The following CIITA variants were observed in gnomAD, a reference collection of about 807,000 sequenced individuals.
CIITA encodes the protein MHC class II transactivator.
A neutral mutation model predicts 115.1 loss-of-function variants in CIITA; 72 were observed. The observed-to-expected ratio is 0.63, with a 90% confidence interval of 0.52 to 0.76. The LOEUF is 0.76. Among genes scored for constraint, CIITA ranks in the 30% least tolerant of loss-of-function variants. The pLI, the probability that CIITA is intolerant of heterozygous loss-of-function variation, is 0.00. For synonymous variants in CIITA, 763 were observed against 635.6 expected (o/e 1.20, Z -3.02); for missense variants, 1,617 against 1,463.8 (o/e 1.10, Z -1.71).
intron 1 of CIITA, among the ~76,000 whole-genome samples, chr16:10,871,051 G>T (rs1037410963): frequency 6.6e-6 from 1 of 152,246 alleles, no homozygotes; most frequent in Non-Finnish European, 1.5e-5. Context: ...CATGGGCCAT[G>T]TCCTCAGACA....
chr16:10,908,741 C>T (rs982884826), intron 11 of CIITA: 2 of 586,854 alleles, frequency 3.4e-6, no homozygotes, highest in Admixed American at 5.9e-5. Flanking sequence ...CATATTTCCC[C>T]CTAAACATAC....
intron 1 of CIITA, among the ~76,000 whole-genome samples, chr16:10,883,369 T>C (rs2143738557): frequency 6.6e-6 from 1 of 152,350 alleles, no homozygotes; most frequent in South Asian, 2.1e-4. Flanking sequence ...ATCCCAACCC[T>C]GCATTCTGGA....
intron 3 of CIITA, among the ~76,000 whole-genome samples, 198 bp from the exon 4 acceptor site, chr16:10,898,472 A>G (rs1000485975): frequency 2.0e-5 from 3 of 151,486 alleles, no homozygotes; most frequent in Admixed American, 2.0e-4. Context: ...ATGGATACAT[A>G]CCTCATCCTT....
intron 1 of CIITA, among the ~76,000 whole-genome samples, chr16:10,882,004 T>C (rs2036479685): frequency 1.3e-5 from 2 of 152,358 alleles, no homozygotes; most frequent in African/African-American, 4.8e-5. Context: ...TGTAATTCCT[T>C]TCTATGGCGG....
intron 1 of CIITA, among the ~76,000 whole-genome samples, chr16:10,867,668 G>A (rs1046233112): frequency 2.6e-5 from 4 of 152,198 alleles, no homozygotes; most frequent in Admixed American, 1.3e-4. Context: ...AGCCTGCACT[G>A]TCCTCTTTCC....
chr16:10,875,557 T>A (rs577329481), upstream of CIITA, among the ~76,000 whole-genome samples: 17 of 152,314 alleles, frequency 1.1e-4, no homozygotes, highest in African/African-American at 4.1e-4. Flanking sequence ...ACAAGTCATG[T>A]TTCCAAACCT....
At chr16:10,903,270 C>G (rs545247312) in intron 8 of CIITA, among the ~76,000 whole-genome samples, 3 of 152,250 alleles carry the variant, frequency 2.0e-5, no homozygotes, top group African/African-American at 4.8e-5. Context: ...ACTGACCCAC[C>G]ACACTGAGGG....
Position 10,901,259 on chromosome 16 carries a change from G to C in CIITA, c.437-255G>C, listed in dbSNP as rs1394365257. On this transcript the variant is annotated intron_variant, in intron 5 of 19. Coordinates refer to ENST00000324288, the MANE Select transcript of CIITA (RefSeq NM_000246.4). The surrounding 1 kb of genome is among the most constrained non-coding windows in gnomAD (Gnocchi z 6.8). ...TTTGTTTTGTTTTGTTTTGTTTTTTGGCTCAAACCCATGTTGTGTCCCCAT... is the reference window on the plus strand; with the variant it reads ...TTTGTTTTGTTTTGTTTTGTTTTTTCGCTCAAACCCATGTTGTGTCCCCAT... 6.6e-6 allele frequency among the ~76,000 whole-genome samples: 1 copy of C among 152,184 alleles called. No homozygotes were observed. The highest frequency in any genetic ancestry group is 1.9e-4 in the East Asian group (1 of 5,184).
At chr16:10,902,527 C>A in intron 7 of CIITA, 131 bp from the exon 8 acceptor site, 3 of 1,145,126 alleles carry the variant, frequency 2.6e-6, no homozygotes, top group Non-Finnish European at 3.8e-6. Flanking sequence ...CAGGGCAGGA[C>A]AGAAACAGCT....
rs45556043 is a variant in CIITA, at chr16:10,925,720, A to C, written c.*1865A>C. On this transcript the variant is annotated 3_prime_UTR_variant, in exon 20 of 20. Transcript: ENST00000324288. The stretch of plus-strand genomic sequence containing the variant: ...TGTGTGCACGTACACACACATACAC[A>C]CACACGCGTGCACACACCAGAGCCC... 1 of 152,226 alleles carries C rather than the reference A, an allele frequency of 6.6e-6. No homozygotes were observed. Among genetic ancestry groups the C allele is most frequent in the Non-Finnish European group, 1.5e-5 (1 of 68,040 alleles). The allele number at this position is 152,226 out of a possible 1,614,324, so 9.4% of individuals were successfully genotyped here. A position where few individuals can be genotyped will look rare whatever the true frequency, so the allele number is the denominator to read the frequency against.
chr16:10,875,774 G>A (rs925607271), upstream of CIITA, among the ~76,000 whole-genome samples: 6 of 151,930 alleles, frequency 3.9e-5, no homozygotes, highest in Admixed American at 2.6e-4. Context: ...GGGCACACTC[G>A]ATCCTCCCAC....
chr16:10,902,851 C>T (rs1053789672), intron 8 of CIITA, 50 bp downstream of exon 8: 3 of 1,606,274 alleles, frequency 1.9e-6, no homozygotes, highest in African/African-American at 1.3e-5. Context: ...TACCTGACTG[C>T]TCCCTGACCT....
chr16:10,902,122 C>T lies in CIITA; in HGVS notation c.566C>T (p.Ala189Val), dbSNP rs149076617. 6.2e-6 allele frequency: 10 copies of T among 1,614,080 alleles called. No homozygotes were observed. The highest frequency in any genetic ancestry group is 4.0e-5 in the African/African-American group (3 of 74,944). Residue 189 changes from alanine (A) to valine (V), a missense_variant, in exon 7 of 20, where the codon GCG (alanine) becomes GTG (valine). Physicochemically the swap from Ala to Val is moderately conservative, Grantham distance 64. Coordinates refer to ENST00000324288, the MANE Select transcript of CIITA (RefSeq NM_000246.4). ...CSTLPCLPLP[A>V]LFNQEPASGQ... ...ACCCTGCCCTGCCTGCCACTGCCTG[C>T]GCTGTTCAACCAGGAGCCAGCCTCC...
chr16:10,931,771 G>T lies in CIITA; in HGVS notation c.*7916G>T, dbSNP rs1429276743. 1 of 152,232 alleles carries T rather than the reference G, an allele frequency of 6.6e-6. No homozygotes were observed. Among genetic ancestry groups the T allele is most frequent in the African/African-American group, 2.4e-5 (1 of 41,442 alleles). 9.4% of individuals were successfully genotyped at this position (152,232 alleles called of 1,614,324 possible). On this transcript the variant is annotated 3_prime_UTR_variant, in exon 20 of 20. Transcript: ENST00000324288. ...CTGGGCATGGTGGCAGGTGCCTGAG[G>T]TCCCAGCTACTCGGGAGGCTGAGGC... is the stretch of plus-strand genomic sequence containing the variant.
rs955582748 is a variant in CIITA, at chr16:10,942,950, G to A, written n.2076G>A. The stretch of plus-strand genomic sequence containing the variant: ...GGTTGCTGGAAGGTCCGCCCACTAC[G>A]GAACCTGCATCCTAGAGTTAAGGAA... On this transcript the variant is annotated non_coding_transcript_exon_variant, in exon 2 of 2. Transcript: ENST00000573379. This position sits in a 1 kb window ranked among gnomAD's most constrained non-coding sequence, Gnocchi z 5.0. 6 of 152,222 alleles carry A rather than the reference G, an allele frequency of 3.9e-5. No individual in the cohort carries two copies. In the East Asian group the frequency reaches 1.2e-3, roughly 29 times the overall value. The allele number at this position is 152,222 out of a possible 1,614,324, so 9.4% of individuals were successfully genotyped here. A position where few individuals can be genotyped will look rare whatever the true frequency, so the allele number is the denominator to read the frequency against.
chr16:10,908,366 AAT>A, intron 11 of CIITA: 2 of 695,342 alleles, frequency 2.9e-6, no homozygotes, highest in Non-Finnish European at 5.2e-6. Context: ...TCTCCCAGTC[AAT>A]ATTTGAAGGC....
At chr16:10,908,795 A>G in intron 11 of CIITA, 1 of 627,038 alleles carries the variant, frequency 1.6e-6, no homozygotes, top group Non-Finnish European at 2.8e-6. Flanking sequence ...CCAATAATTT[A>G]GCAGTGAGCT....
chr16:10,866,437 A>G (rs547208423), intron 1 of CIITA: 2 of 566,158 alleles, frequency 3.5e-6, no homozygotes, highest in African/African-American at 1.9e-5. Context: ...TGAGCCTGAT[A>G]GTGAGGCTCT....
At chr16:10,898,858 T>A (rs6498121) in intron 4 of CIITA, 67 bp from the exon 5 acceptor site, 7 of 1,601,330 alleles carry the variant, frequency 4.4e-6, no homozygotes, top group South Asian at 1.1e-5. Context: ...CCAAGGTGGG[T>A]ACAATAGAGA....
Sources: allele counts gnomAD v4.1 joint callset (sites outside exome capture counted in the v4.1 genomes callset), GRCh38; gene constraint gnomAD v4.1.1; non-coding constraint Gnocchi (gnomAD v3.1); transcripts MANE v1.5; gene names NCBI Gene and HGNC (gene_info 2026-07-23, HGNC 2026-07-21).